OLFM3: variants seen among roughly 807,000 people sequenced by gnomAD.
OLFM3 encodes the protein noelin-3.
Under a neutral mutation model 48.6 loss-of-function variants are expected in OLFM3, and 20 were observed. The ratio of observed to expected loss-of-function variants is 0.41; its 90% CI spans 0.29 to 0.60. OLFM3 has a LOEUF of 0.60. OLFM3 is among the 20% of genes least tolerant of loss of function. The pLI is 0.28. For synonymous variants in OLFM3, 222 were observed against 198.1 expected (o/e 1.12, Z -1.01); for missense variants, 437 against 544.3 (o/e 0.80, Z 1.96).
chr1:101,822,031 G>T (rs1476863587), intron 4 of OLFM3, among the ~76,000 whole-genome samples: 1 of 152,110 alleles, frequency 6.6e-6, no homozygotes, highest in Non-Finnish European at 1.5e-5. Flanking sequence ...GGATGCTATA[G>T]AAATATTATG....
intron 1 of OLFM3, among the ~76,000 whole-genome samples, chr1:101,872,200 G>C (rs752897065): frequency 6.6e-6 from 1 of 152,062 alleles, no homozygotes; most frequent in Non-Finnish European, 1.5e-5. Flanking sequence ...TAGGCTATAT[G>C]TGCATCAACA....
intron 1 of OLFM3, among the ~76,000 whole-genome samples, chr1:101,931,736 T>G (rs982620084): frequency 1.1e-4 from 17 of 152,324 alleles, no homozygotes; most frequent in Middle Eastern, 3.4e-3. Flanking sequence ...AATATAGCTG[T>G]GGGGAGCTCA....
intron 1 of OLFM3, 104 bp downstream of exon 1, chr1:101,996,644 A>G: frequency 8.6e-7 from 1 of 1,163,474 alleles, no homozygotes. Context: ...GGTAGCTGAA[A>G]GAGCTGTCTC....
At chr1:101,826,737 C>A (rs1481817697) in intron 3 of OLFM3, among the ~76,000 whole-genome samples, 1 of 152,106 alleles carries the variant, frequency 6.6e-6, no homozygotes, top group African/African-American at 2.4e-5. Context: ...TTTGTCAGCT[C>A]ATTTGGAAAT....
chr1:101,854,065 G>T (rs528253095), intron 1 of OLFM3, among the ~76,000 whole-genome samples: 1 of 151,952 alleles, frequency 6.6e-6, no homozygotes, highest in Non-Finnish European at 1.5e-5. Context: ...GGTATGTAGA[G>T]AATATTTTTA....
At chr1:101,913,638 T>C (rs1028366104) in intron 1 of OLFM3, among the ~76,000 whole-genome samples, 1 of 151,706 alleles carries the variant, frequency 6.6e-6, no homozygotes, top group African/African-American at 2.4e-5. Context: ...TTAGTAACTA[T>C]TGCCATCCAG....
chr1:101,832,902 G>T (rs1317980123), intron 2 of OLFM3, among the ~76,000 whole-genome samples: 1 of 152,098 alleles, frequency 6.6e-6, no homozygotes, highest in Non-Finnish European at 1.5e-5. Flanking sequence ...TGGAAGCATG[G>T]TAACGCCATT....
At chr1:101,824,979 A>G (rs1557689528) in intron 4 of OLFM3, 47 bp downstream of exon 4, 2 of 1,514,170 alleles carry the variant, frequency 1.3e-6, no homozygotes, top group Non-Finnish European at 1.8e-6. Flanking sequence ...ATTTTCTTTG[A>G]AACTATATAA....
intron 4 of OLFM3, among the ~76,000 whole-genome samples, chr1:101,820,824 A>G (rs571628283): frequency 6.6e-6 from 1 of 152,258 alleles, no homozygotes; most frequent in South Asian, 2.1e-4. Context: ...GTGAGGGAAA[A>G]CACATTCATC....
In OLFM3 at chr1:101,949,724, A is replaced by C. The variant is rs190896886; in HGVS notation, c.69+47024T>G. On this transcript the variant is annotated intron_variant, in intron 1 of 5. Transcript: ENST00000370103. ...GGCGGGTGGATCACGAGGTCAGGAG[A>C]TCAAGACCATCCTGGCTAACACGGG... Among the ~76,000 whole-genome samples the C allele has an allele frequency of 3.3e-5, 5 of 152,086 alleles. No homozygotes were observed. In the East Asian group the frequency reaches 5.8e-4, roughly 18 times the overall value.
chr1:101,950,595 C>T (rs184455819), intron 1 of OLFM3, among the ~76,000 whole-genome samples: 8 of 152,122 alleles, frequency 5.3e-5, no homozygotes, highest in African/African-American at 1.9e-4. Flanking sequence ...CCTGCCACCA[C>T]TCCCGGCTAA....
chr1:101,982,156 T>A (rs188594300), intron 1 of OLFM3, among the ~76,000 whole-genome samples: 2 of 152,284 alleles, frequency 1.3e-5, no homozygotes, highest in African/African-American at 4.8e-5. Flanking sequence ...ATAAAAGAAT[T>A]TATACAAATT....
At chr1:101,805,006 A>T in intron 5 of OLFM3, 91 bp from the exon 6 acceptor site, 3 of 1,011,322 alleles carry the variant, frequency 3.0e-6, no homozygotes, top group Non-Finnish European at 4.3e-6. Flanking sequence ...AACACTTATT[A>T]TAATTCTCAG....
intron 1 of OLFM3, among the ~76,000 whole-genome samples, chr1:101,994,063 A>G (rs1432979834): frequency 6.6e-6 from 1 of 151,710 alleles, no homozygotes; most frequent in Non-Finnish European, 1.5e-5. Context: ...CAGGTAAACT[A>G]ATATATAAGA....
rs932577407 is a variant in OLFM3, at chr1:101,803,071, A to G, written c.*1167T>C. 6.6e-6 allele frequency: 1 copy of G among 152,004 alleles called. No homozygotes were observed. 9.4% of individuals were successfully genotyped at this position (152,004 alleles called of 1,614,324 possible). ...TTTACACTTTTGAAACCACAAAGAC[A>G]ACTCCCAAGTCTCCCCATATTTTAT... On this transcript the variant is annotated 3_prime_UTR_variant, in exon 6 of 6. Coordinates refer to ENST00000370103, the MANE Select transcript of OLFM3 (RefSeq NM_058170.4).
chr1:101,862,060 A>G (rs571042965), intron 1 of OLFM3, among the ~76,000 whole-genome samples: 44 of 152,332 alleles, frequency 2.9e-4, no homozygotes, highest in Non-Finnish European at 5.6e-4. Flanking sequence ...TGCTCAAAGT[A>G]AAGAGATTAA....
chr1:101,924,038 A>G (rs1659184337), intron 1 of OLFM3, among the ~76,000 whole-genome samples: 1 of 152,182 alleles, frequency 6.6e-6, no homozygotes, highest in Non-Finnish European at 1.5e-5. Context: ...GAGAACTGAA[A>G]ATTATTCCCA....
At chr1:101,971,307 G>A (rs953254089) in intron 1 of OLFM3, among the ~76,000 whole-genome samples, 1 of 152,176 alleles carries the variant, frequency 6.6e-6, no homozygotes, top group Non-Finnish European at 1.5e-5. Context: ...AATGTGGAAG[G>A]TGGAAGATAC....
At chr1:101,824,805 C>A (rs537767878) in intron 4 of OLFM3, among the ~76,000 whole-genome samples, 1 of 152,232 alleles carries the variant, frequency 6.6e-6, no homozygotes, top group South Asian at 2.1e-4. Context: ...TTATTTGAAG[C>A]CACCAAATGG....
Sources: allele counts gnomAD v4.1 joint callset (sites outside exome capture counted in the v4.1 genomes callset), GRCh38; gene constraint gnomAD v4.1.1; transcripts MANE v1.5; gene names NCBI Gene and HGNC (gene_info 2026-07-23, HGNC 2026-07-21).